The following IMMP2L variants were observed in gnomAD, a reference collection of about 807,000 sequenced individuals.
IMMP2L encodes the protein mitochondrial inner membrane protease subunit 2.
IMMP2L carries 18 observed loss-of-function variants against 19.3 expected under a neutral mutation model. The observed-to-expected ratio is 0.93, with a 90% CI of 0.64 to 1.38. IMMP2L has a LOEUF of 1.38. IMMP2L is among the 40% of genes most tolerant of loss of function. The pLI is 0.00. For synonymous variants in IMMP2L, 76 were observed against 73.0 expected, an observed-to-expected ratio of 1.04 and a Z score of -0.21; for missense variants, 233 against 218.2, an observed-to-expected ratio of 1.07 and a Z score of -0.43.
chr7:111,144,188 CAT>C (rs995565592), intron 3 of IMMP2L, among the ~76,000 whole-genome samples: 7 of 152,124 alleles, frequency 4.6e-5, no homozygotes, highest in Non-Finnish European at 1.0e-4. Context: ...ACATTAGTAA[CAT>C]AATGTGCCAG....
At chr7:110,786,917 G>T (rs1342933303) in intron 5 of IMMP2L, among the ~76,000 whole-genome samples, 4 of 151,984 alleles carry the variant, frequency 2.6e-5, no homozygotes, top group Non-Finnish European at 5.9e-5. Flanking sequence ...AGCTTTGTAA[G>T]TCAATAGTTG....
At chr7:111,325,306 T>C (rs1825190164) in intron 3 of IMMP2L, among the ~76,000 whole-genome samples, 1 of 151,724 alleles carries the variant, frequency 6.6e-6, no homozygotes, top group African/African-American at 2.4e-5. Flanking sequence ...TGAGAACCTT[T>C]TAAAGATTAG....
chr7:111,456,167 G>T (rs1441154572), intron 3 of IMMP2L, among the ~76,000 whole-genome samples: 1 of 151,896 alleles, frequency 6.6e-6, no homozygotes, highest in Non-Finnish European at 1.5e-5. Context: ...TTTAGGGCAA[G>T]AAAAGGTGAG....
intron 4 of IMMP2L, among the ~76,000 whole-genome samples, chr7:110,891,849 A>G (rs1369629072): frequency 2.0e-5 from 3 of 152,198 alleles, no homozygotes; most frequent in African/African-American, 7.2e-5. Flanking sequence ...AATATTAGAG[A>G]CATTAGAAAG....
rs1800775446 is a variant in IMMP2L, at chr7:111,122,541, A to G, written c.240-158976T>C. The G allele has an allele frequency of 3.1e-5, 16 of 513,756 alleles. 1 individual carries two copies. The South Asian group carries it at 4.6e-4, about 15-fold the overall frequency. The allele number at this position is 513,756 out of a possible 1,614,324, so 31.8% of individuals were successfully genotyped here. The stretch of plus-strand genomic sequence containing the variant: ...CTCCACCTTCAAAAAGTACATCAAT[A>G]TTATATCATTAAGGAAATAGTAACC... On this transcript the variant is annotated intron_variant, in intron 3 of 5. Transcript: ENST00000405709.
At chr7:110,843,893 T>A (rs891384770) in intron 5 of IMMP2L, among the ~76,000 whole-genome samples, 3 of 152,024 alleles carry the variant, frequency 2.0e-5, no homozygotes, top group Non-Finnish European at 2.9e-5. Flanking sequence ...GTGGCCAGGG[T>A]GGCTAAGGCA....
chr7:110,921,176 ATAACAT>A (rs1814235016), intron 4 of IMMP2L, among the ~76,000 whole-genome samples: 2 of 152,230 alleles, frequency 1.3e-5, no homozygotes, highest in African/African-American at 4.8e-5. Context: ...TACTCATTGT[ATAACAT>A]TGGCTGAACT....
intron 3 of IMMP2L, among the ~76,000 whole-genome samples, chr7:111,107,179 C>CTG (rs10669538): frequency 0.91 from 137,689 of 151,836 alleles, 62,473 homozygotes; most frequent in East Asian, 0.93. Flanking sequence ...CCCTTTCCCT[C>CTG]TCTCTCCTTC....
chr7:111,047,840 G>A lies in IMMP2L; in HGVS notation c.240-84275C>T, dbSNP rs183334357. ...AGACAGCCACCAAAACAAGATACAT[G>A]TGCATTGTACTCAGCCCAATTCTTG... On this transcript the variant is annotated intron_variant, in intron 3 of 5. Coordinates refer to ENST00000405709, the MANE Select transcript of IMMP2L (RefSeq NM_032549.4). Among the ~76,000 whole-genome samples the A allele has an allele frequency of 3.7e-3, 565 of 152,250 alleles. 3 individuals carry two copies. The highest frequency in any genetic ancestry group is 0.01 in the Middle Eastern group (3 of 294).
intron 3 of IMMP2L, among the ~76,000 whole-genome samples, chr7:111,233,099 T>C (rs1813890997): frequency 6.6e-6 from 1 of 152,142 alleles, no homozygotes; most frequent in Admixed American, 6.6e-5. Flanking sequence ...CTAACTCATC[T>C]TAGATGCTCA....
At chr7:110,908,599 C>T (rs1051877927) in intron 4 of IMMP2L, among the ~76,000 whole-genome samples, 2 of 152,182 alleles carry the variant, frequency 1.3e-5, no homozygotes, top group Non-Finnish European at 2.9e-5. Flanking sequence ...AAAGAACTGT[C>T]TCTACTGTAC....
At chr7:111,517,239 T>G (rs1006012629) in intron 2 of IMMP2L, among the ~76,000 whole-genome samples, 3 of 152,086 alleles carry the variant, frequency 2.0e-5, no homozygotes, top group Non-Finnish European at 2.9e-5. Context: ...CATAAATGTA[T>G]GTTATTGATG....
chr7:111,188,574 G>A (rs1429377695), intron 3 of IMMP2L, among the ~76,000 whole-genome samples: 8 of 152,064 alleles, frequency 5.3e-5, no homozygotes, highest in Non-Finnish European at 7.4e-5. Flanking sequence ...TATGAATTTG[G>A]GGAGTAGACA....
intron 5 of IMMP2L, among the ~76,000 whole-genome samples, chr7:110,848,464 T>C (rs1209537231): frequency 1.3e-5 from 2 of 152,284 alleles, no homozygotes; most frequent in Middle Eastern, 3.4e-3. Flanking sequence ...CTAATGGGAA[T>C]GTAAAATGAT....
intron 5 of IMMP2L, among the ~76,000 whole-genome samples, chr7:110,865,454 C>G (rs1807888556): frequency 6.6e-6 from 1 of 152,030 alleles, no homozygotes; most frequent in African/African-American, 2.4e-5. Flanking sequence ...AGTTCTATAT[C>G]TTAATTATAA....
intron 3 of IMMP2L, among the ~76,000 whole-genome samples, chr7:111,325,385 G>C (rs1218563168): frequency 1.3e-5 from 2 of 151,544 alleles, no homozygotes; most frequent in Admixed American, 1.3e-4. Flanking sequence ...ATGCAGATAA[G>C]TACAAATGTG....
chr7:110,833,126 A>C (rs1804116070), intron 5 of IMMP2L, among the ~76,000 whole-genome samples: 1 of 152,172 alleles, frequency 6.6e-6, no homozygotes, highest in African/African-American at 2.4e-5. Context: ...AACAAGAAAA[A>C]GTGGAGCTCT....
intron 5 of IMMP2L, among the ~76,000 whole-genome samples, chr7:110,782,516 C>A (rs891080227): frequency 3.3e-5 from 5 of 151,802 alleles, no homozygotes; most frequent in East Asian, 3.9e-4. Flanking sequence ...CACATTAGTC[C>A]TTTTTAAGAC....
At chr7:110,793,316 A>G (rs1171973536) in intron 5 of IMMP2L, among the ~76,000 whole-genome samples, 1 of 151,978 alleles carries the variant, frequency 6.6e-6, no homozygotes, top group Non-Finnish European at 1.5e-5. Context: ...GCTACTTGGG[A>G]GGCTGAGGCA....
Sources: gnomAD v4.1 joint callset for allele counts (sites outside exome capture counted in the v4.1 genomes callset) on GRCh38, gnomAD v4.1.1 for gene constraint, MANE v1.5 for transcripts, NCBI Gene and HGNC (gene_info 2026-07-23, HGNC 2026-07-21) for gene names.